GAS6: variants seen among roughly 807,000 people sequenced by gnomAD.
GAS6 encodes the protein growth arrest specific 6, also known as growth arrest-specific protein 6.
GAS6 carries 41 observed loss-of-function variants against 75.8 expected under a neutral mutation model. That is an observed-to-expected ratio of 0.54 (90% CI 0.42 to 0.70). The LOEUF (loss-of-function observed/expected upper bound fraction) is 0.70, where lower values mean the gene tolerates loss of function less well. GAS6 is among the 30% of genes least tolerant of loss of function. GAS6 has a pLI of 0.00. For synonymous variants in GAS6, 432 were observed against 412.6 expected (o/e 1.05, Z -0.57); for missense variants, 854 against 940.2 (o/e 0.91, Z 1.20).
rs1330674330 is a variant in GAS6 at position 113,835,497 on chromosome 13, C to T, written c.712+16G>A. ...GGGCGTCAGAGAAAGCGAGGGTGAC[C>T]GCGTGGCGTGGGTACCTCGGCAAGC... On this transcript the variant is annotated intron_variant, in intron 7 of 14. Coordinates refer to ENST00000327773, the MANE Select transcript of GAS6 (RefSeq NM_000820.4). The T allele has an allele frequency of 1.2e-6, 2 of 1,611,362 alleles. No individual in the cohort carries two copies. Among genetic ancestry groups the T allele is most frequent in the Admixed American group, 1.7e-5 (1 of 59,936 alleles).
chr13:113,822,181 C>A lies in GAS6; in HGVS notation c.1659G>T (p.Val553=). The A allele has an allele frequency of 6.5e-7, 1 of 1,545,254 alleles. No individual in the cohort carries two copies. The highest frequency in any genetic ancestry group is 8.8e-7 in the Non-Finnish European group (1 of 1,139,464). ...HSTKKLKKQL[V]VLAVEHTALA... is the part of the protein sequence containing the mutation. ...AGGCCGTATGCTCCACGGCCAGGAC[C>A]ACCAGCTGCAGGAGACCGAGGTGTG... Residue 553 remains valine (V), a synonymous_variant, in exon 14 of 15, where the codon GTG becomes GTT. Coordinates refer to ENST00000327773, the MANE Select transcript of GAS6 (RefSeq NM_000820.4).
intron 12 of GAS6, among the ~76,000 whole-genome samples, chr13:113,824,637 TG>T: frequency 6.6e-6 from 1 of 152,334 alleles, no homozygotes; most frequent in Non-Finnish European, 1.5e-5. Context: ...CATTTGTGAC[TG>T]GGCGCCTCGC....
intron 4 of GAS6, 147 bp from the exon 5 acceptor site, chr13:113,839,997 G>A (rs750017461): frequency 1.4e-5 from 16 of 1,176,022 alleles, no homozygotes; most frequent in Admixed American, 4.3e-5. Context: ...CTGGGCACCC[G>A]AGCCCTCTGT....
intron 3 of GAS6, 45 bp downstream of exon 3, chr13:113,847,981 C>T (rs374984678): frequency 6.3e-7 from 1 of 1,577,302 alleles, no homozygotes; most frequent in East Asian, 2.2e-5. Context: ...GCACCCCCAA[C>T]TATGCCTCTA....
At chr13:113,834,414 A>C (rs1193282614) in intron 8 of GAS6, 137 bp downstream of exon 8, 2 of 933,796 alleles carry the variant, frequency 2.1e-6, no homozygotes, top group Non-Finnish European at 3.0e-6. Context: ...TCTCATCCCA[A>C]ACCTCCACAT....
intron 4 of GAS6, chr13:113,842,711 T>C (rs1274892537): frequency 5.0e-6 from 2 of 396,812 alleles, no homozygotes; most frequent in Non-Finnish European, 8.8e-6. Flanking sequence ...GAACCTGACC[T>C]CCTCAGAGGC....
At position 113,863,649 on chromosome 13, in the gene GAS6, G is replaced by T. The variant is rs1485559898; in HGVS notation, c.181C>A (p.Leu61Met). Reference sequence around the variant, plus strand: ...AGCTCCTCCACGCACTCCCTCTCCAGGTGGCCCTGCTTGGCCTCCTCGAAG... The same window carrying T: ...AGCTCCTCCACGCACTCCCTCTCCATGTGGCCCTGCTTGGCCTCCTCGAAG... ...QVFEEAKQGH[L>M]ERECVEELCS... The change falls in exon 2 of 15, where the codon CTG becomes ATG. Residue 61 changes from leucine (L) to methionine (M), a missense_variant. Physicochemically the swap from Leu to Met is conservative, Grantham distance 15. Transcript: ENST00000327773. The surrounding 1 kb of genome is among the most constrained non-coding windows in gnomAD (Gnocchi z 9.4). 4 of 1,525,128 alleles carry T rather than the reference G, an allele frequency of 2.6e-6. No homozygotes were observed. The highest frequency in any genetic ancestry group is 1.8e-6 in the Non-Finnish European group (2 of 1,136,038). The allele number at this position is 1,525,128 out of a possible 1,614,324, so 94.5% of individuals were successfully genotyped here.
rs973372016 is a variant in GAS6, at chr13:113,823,265, G to C, written c.1653+110C>G. 4.1e-6 allele frequency: 5 copies of C among 1,233,324 alleles called. No individual in the cohort carries two copies. The East Asian group carries it at 9.9e-5, about 24-fold the overall frequency. 76.4% of individuals were successfully genotyped at this position (1,233,324 alleles called of 1,614,324 possible). On this transcript the variant is annotated intron_variant, in intron 13 of 14. Coordinates refer to ENST00000327773, the MANE Select transcript of GAS6 (RefSeq NM_000820.4). ...ATCAGACCTCTGGTCAGAGGCTTTG[G>C]GGGTCCCTGGGGATCCCACCGCGGG...
At position 113,855,779 on chromosome 13, in the gene GAS6, C is replaced by T. The variant is rs575425825; in HGVS notation, c.256-7729G>A. On this transcript the variant is annotated intron_variant, in intron 2 of 14. Transcript: ENST00000327773. ...ACCACCAATAGTCGCCAAGAGTGCACGCAAGCAGAAATCACAGATGCCCTG... is the reference window on the plus strand; with the variant it reads ...ACCACCAATAGTCGCCAAGAGTGCATGCAAGCAGAAATCACAGATGCCCTG... Among the ~76,000 whole-genome samples the T allele has an allele frequency of 3.9e-5, 6 of 152,286 alleles. No homozygotes were observed. In the East Asian group the frequency reaches 7.7e-4, roughly 20 times the overall value.
chr13:113,840,201 G>C lies in GAS6; in HGVS notation c.344-351C>G, dbSNP rs192487929. The C allele has an allele frequency of 3.4e-5, 9 of 266,014 alleles. No individual in the cohort carries two copies. The East Asian group carries it at 8.0e-4, about 24-fold the overall frequency. 16.5% of individuals were successfully genotyped at this position (266,014 alleles called of 1,614,324 possible). A position where few individuals can be genotyped will look rare whatever the true frequency, so the allele number is the denominator to read the frequency against. On this transcript the variant is annotated intron_variant, in intron 4 of 14. Coordinates refer to ENST00000327773, the MANE Select transcript of GAS6 (RefSeq NM_000820.4). ...GAGTAGGCACACAGAACCCCCAGCT[G>C]ACCTGGGGGCTTCCAGGCAGACTCG...
At chr13:113,830,321 GCCGCTGTGAGT>G (rs369393262) in intron 10 of GAS6, among the ~76,000 whole-genome samples, 10 of 152,234 alleles carry the variant, frequency 6.6e-5, no homozygotes, top group South Asian at 2.1e-4. Flanking sequence ...GGGTGCTGCG[GCCGCTGTGAGT>G]CACTGGGCGG....
chr13:113,828,227 G>A (rs1203529560), intron 11 of GAS6, among the ~76,000 whole-genome samples: 1 of 152,106 alleles, frequency 6.6e-6, no homozygotes, highest in South Asian at 2.1e-4. Context: ...TCGCGCCACT[G>A]CACTCCAGCC....
At chr13:113,834,429 C>T (rs2051673859) in intron 8 of GAS6, 122 bp downstream of exon 8, 1 of 1,067,614 alleles carries the variant, frequency 9.4e-7, no homozygotes, top group Non-Finnish European at 1.3e-6. Flanking sequence ...CCACATGGCC[C>T]TGGAGATCCC....
rs114011129 is a variant in GAS6, at chr13:113,822,593, C to T, written c.1654-407G>A. 1,057 of 177,862 alleles carry T rather than the reference C, an allele frequency of 5.9e-3. 9 individuals are homozygous for T. Among genetic ancestry groups the T allele is most frequent in the African/African-American group, 0.024 (1,005 of 42,614 alleles). The allele number at this position is 177,862 out of a possible 1,614,324, so 11.0% of individuals were successfully genotyped here. On this transcript the variant is annotated intron_variant, in intron 13 of 14. Transcript: ENST00000327773. ...CCGGTGGGCACTCACGCTGGCACCA[C>T]AGCCCAGCAGCCCAGGGGTCGGCTG...
rs191372682 is a variant in GAS6, at chr13:113,821,462, C to T, written c.1883-444G>A. 681 of 234,470 alleles carry T rather than the reference C, an allele frequency of 2.9e-3. 4 individuals carry two copies. Among genetic ancestry groups the T allele is most frequent in the South Asian group, 9.2e-3 (110 of 12,008 alleles). The allele number at this position is 234,470 out of a possible 1,614,324, so 14.5% of individuals were successfully genotyped here. On this transcript the variant is annotated intron_variant, in intron 14 of 14. Coordinates refer to ENST00000327773, the MANE Select transcript of GAS6 (RefSeq NM_000820.4). ...CCGAGGACTTGCCGGCTCCCACGTG[C>T]CTTTCCGCTGACCCTCCCAGCTCAT...
In GAS6 at chr13:113,863,935, G is replaced by T. The variant is rs1233955748; in HGVS notation, c.-15C>A. On this transcript the variant is annotated 5_prime_UTR_variant, in exon 1 of 15. Coordinates refer to ENST00000327773, the MANE Select transcript of GAS6 (RefSeq NM_000820.4). The surrounding 1 kb of genome is among the most constrained non-coding windows in gnomAD (Gnocchi z 9.4). ...GAAGGGGCCATGGCGGGCCGGGGAC[G>T]CGCGGTCAGAGCGCCCGGGAGGCCG... The T allele has an allele frequency of 1.8e-6, 2 of 1,125,658 alleles. No homozygotes were observed. Among genetic ancestry groups the T allele is most frequent in the South Asian group, 4.3e-5 (1 of 23,402 alleles). 69.7% of individuals were successfully genotyped at this position (1,125,658 alleles called of 1,614,324 possible). A position where few individuals can be genotyped will look rare whatever the true frequency, so the allele number is the denominator to read the frequency against.
At chr13:113,847,470 G>A (rs2051843296) in intron 3 of GAS6, among the ~76,000 whole-genome samples, 1 of 152,238 alleles carries the variant, frequency 6.6e-6, no homozygotes, top group East Asian at 1.9e-4. Context: ...GGGGTCTCTG[G>A]GTTTCACTTT....
intron 6 of GAS6, 55 bp from the exon 7 acceptor site, chr13:113,835,690 TG>T: frequency 6.3e-7 from 1 of 1,591,848 alleles, no homozygotes; most frequent in Non-Finnish European, 8.5e-7. Flanking sequence ...CAGACGGGGC[TG>T]GGGCAGGCGG....
Position 113,863,675 on chromosome 13 carries a change from A to G in GAS6, c.155T>C (p.Val52Ala). 1 of 1,519,962 alleles carries G rather than the reference A, an allele frequency of 6.6e-7. No individual in the cohort carries two copies. The highest frequency in any genetic ancestry group is 8.8e-7 in the Non-Finnish European group (1 of 1,134,250). The allele number at this position is 1,519,962 out of a possible 1,614,324, so 94.2% of individuals were successfully genotyped here. A position where few individuals can be genotyped will look rare whatever the true frequency, so the allele number is the denominator to read the frequency against. Reference sequence around the variant, plus strand: ...GTGGCCCTGCTTGGCCTCCTCGAAGACCTGAAAGGCGCGGCGCTGCCTGGG... The same window carrying G: ...GTGGCCCTGCTTGGCCTCCTCGAAGGCCTGAAAGGCGCGGCGCTGCCTGGG... ...LRPRQRRAFQ[V>A]FEEAKQGHLE... Residue 52 changes from valine (V) to alanine (A), a missense_variant, in exon 2 of 15, where the codon GTC becomes GCC. Val to Ala is a moderately conservative substitution (Grantham distance 64). Coordinates refer to ENST00000327773, the MANE Select transcript of GAS6 (RefSeq NM_000820.4). The surrounding 1 kb of genome is among the most constrained non-coding windows in gnomAD (Gnocchi z 9.4).
Sources: allele counts gnomAD v4.1 joint callset (sites outside exome capture counted in the v4.1 genomes callset), GRCh38; gene constraint gnomAD v4.1.1; non-coding constraint Gnocchi (gnomAD v3.1); transcripts MANE v1.5; gene names NCBI Gene and HGNC (gene_info 2026-07-23, HGNC 2026-07-21).